RNFT2: variants seen among roughly 807,000 people sequenced by gnomAD.
The protein encoded by RNFT2 is E3 ubiquitin-protein ligase RNFT2.
RNFT2 carries 36 observed loss-of-function variants against 53.0 expected under a neutral mutation model. That is an observed-to-expected ratio of 0.68 (90% CI 0.52 to 0.90). The LOEUF (loss-of-function observed/expected upper bound fraction) is 0.90. Ranked by LOEUF, RNFT2 falls within the 40% of genes least tolerant of loss-of-function variation. RNFT2 has a pLI of 0.00. For missense variants in RNFT2, 514 were observed against 585.6 expected (o/e 0.88, Z 1.26); for synonymous variants, 260 against 253.2 (o/e 1.03, Z -0.26).
At chr12:116,814,740 G>A (rs1875560602) in intron 7 of RNFT2, among the ~76,000 whole-genome samples, 1 of 151,836 alleles carries the variant, frequency 6.6e-6, no homozygotes, top group African/African-American at 2.4e-5. Flanking sequence ...GTGCAGTGGT[G>A]CAATCTCGGC....
rs369134503 is a variant in RNFT2 at position 116,769,197 on chromosome 12, A to G, written c.728+2283A>G. Among the ~76,000 whole-genome samples, 98 of 152,228 alleles carry G rather than the reference A, an allele frequency of 6.4e-4. 1 individual carries two copies. In the East Asian group the frequency reaches 0.018, roughly 28 times the overall value. Reference sequence around the variant, plus strand: ...AGATAGTGAAACCCCTGTCTCTACTAAAAATACAAAAATTAGCTGGGCGTG... The same window carrying G: ...AGATAGTGAAACCCCTGTCTCTACTGAAAATACAAAAATTAGCTGGGCGTG... On this transcript the variant is annotated intron_variant, in intron 6 of 10. Transcript: ENST00000257575.
In RNFT2 at chr12:116,849,661, A is replaced by T; in HGVS notation, c.*213A>T. ...TATAGTGCGTGCCTCCTTCCCCTGC[A>T]AAAGGGGACGTCTTCCTAACTCAGA... On this transcript the variant is annotated 3_prime_UTR_variant, in exon 11 of 11. Coordinates refer to ENST00000257575, the MANE Select transcript of RNFT2 (RefSeq NM_001382266.1). The T allele has an allele frequency of 7.8e-7, 1 of 1,275,566 alleles. No homozygotes were observed. The highest frequency in any genetic ancestry group is 3.1e-5 in the South Asian group (1 of 32,146). 79.0% of individuals were successfully genotyped at this position (1,275,566 alleles called of 1,614,324 possible). A position where few individuals can be genotyped will look rare whatever the true frequency, so the allele number is the denominator to read the frequency against.
intron 6 of RNFT2, among the ~76,000 whole-genome samples, chr12:116,774,691 C>T (rs560762122): frequency 6.1e-4 from 92 of 149,834 alleles, no homozygotes; most frequent in Admixed American, 5.5e-3. Context: ...CCCATAAAAG[C>T]AATTTGAGGA....
At chr12:116,749,155 A>T (rs1872047509) in intron 3 of RNFT2, among the ~76,000 whole-genome samples, 1 of 152,170 alleles carries the variant, frequency 6.6e-6, no homozygotes, top group South Asian at 2.1e-4. Context: ...TGGAAGGCTG[A>T]GATCAGGGTA....
intron 7 of RNFT2, among the ~76,000 whole-genome samples, chr12:116,809,692 G>C (rs1452594784): frequency 6.6e-6 from 1 of 151,474 alleles, no homozygotes; most frequent in African/African-American, 2.4e-5. Context: ...TTTTTTTTGA[G>C]ATGAAGTCTT....
chr12:116,797,030 C>T (rs1189454941), intron 7 of RNFT2, among the ~76,000 whole-genome samples: 1 of 152,178 alleles, frequency 6.6e-6, no homozygotes, highest in Non-Finnish European at 1.5e-5. Context: ...GAATATTCTA[C>T]AGTGCACAGG....
chr12:116,817,174 G>A (rs1179855166), intron 7 of RNFT2, among the ~76,000 whole-genome samples: 4 of 152,088 alleles, frequency 2.6e-5, no homozygotes, highest in East Asian at 1.9e-4. Context: ...TACCATGGCC[G>A]ACTAATTTTT....
intron 5 of RNFT2, among the ~76,000 whole-genome samples, chr12:116,759,743 A>G (rs1872626486): frequency 6.6e-6 from 1 of 152,162 alleles, no homozygotes; most frequent in Admixed American, 6.5e-5. Flanking sequence ...CATGGATACC[A>G]GTGCCTGTTG....
intron 7 of RNFT2, among the ~76,000 whole-genome samples, chr12:116,814,730 G>A (rs930847165): frequency 2.4e-4 from 37 of 151,728 alleles, no homozygotes; most frequent in African/African-American, 8.0e-4. Flanking sequence ...CTGCTGGAGT[G>A]TGCAGTGGTG....
intron 8 of RNFT2, among the ~76,000 whole-genome samples, chr12:116,835,619 G>A (rs987937791): frequency 1.3e-5 from 2 of 152,208 alleles, no homozygotes; most frequent in Non-Finnish European, 2.9e-5. Context: ...GCTGACTGGA[G>A]TGCTAGATGG....
intron 7 of RNFT2, among the ~76,000 whole-genome samples, chr12:116,784,300 C>T (rs895125492): frequency 6.6e-6 from 1 of 152,222 alleles, no homozygotes; most frequent in Admixed American, 6.5e-5. Flanking sequence ...ATCCGCCGCA[C>T]GTGTCGTGTC....
At chr12:116,781,479 G>T (rs1873695441) in intron 7 of RNFT2, among the ~76,000 whole-genome samples, 1 of 152,124 alleles carries the variant, frequency 6.6e-6, no homozygotes, top group Admixed American at 6.5e-5. Flanking sequence ...CGTTCTGGAG[G>T]TTAGGAGTCC....
At chr12:116,783,722 T>C (rs1382626189) in intron 7 of RNFT2, among the ~76,000 whole-genome samples, 1 of 152,224 alleles carries the variant, frequency 6.6e-6, no homozygotes, top group African/African-American at 2.4e-5. Context: ...TGTTGGCTGC[T>C]GGAATCTTGT....
At chr12:116,753,621 TACAGATG>T (rs1299440748) in intron 4 of RNFT2, among the ~76,000 whole-genome samples, 1 of 152,166 alleles carries the variant, frequency 6.6e-6, no homozygotes, top group Non-Finnish European at 1.5e-5. Flanking sequence ...CTGTCCATTT[TACAGATG>T]AGGAAACTGG....
chr12:116,783,317 T>C (rs1197562516), intron 7 of RNFT2, among the ~76,000 whole-genome samples: 1 of 152,222 alleles, frequency 6.6e-6, no homozygotes, highest in Non-Finnish European at 1.5e-5. Flanking sequence ...GCCCCTACAC[T>C]GGCTTCGTGT....
intron 7 of RNFT2, among the ~76,000 whole-genome samples, chr12:116,780,472 G>A (rs6490092): frequency 0.75 from 113,289 of 151,922 alleles, 44,323 homozygotes; most frequent in Non-Finnish European, 0.85. Flanking sequence ...GAGCTCAGGC[G>A]GTAATGCTTG....
chr12:116,841,778 TAA>T (rs1877268191), intron 10 of RNFT2, among the ~76,000 whole-genome samples: 7 of 104,422 alleles, frequency 6.7e-5, no homozygotes, highest in South Asian at 2.9e-4. Flanking sequence ...TATATATATA[TAA>T]ATATATATAT....
chr12:116,852,026 G>A lies in RNFT2; in HGVS notation c.*2578G>A. 2 of 1,319,920 alleles carry A rather than the reference G, an allele frequency of 1.5e-6. No homozygotes were observed. The highest frequency in any genetic ancestry group is 2.7e-5 in the Admixed American group (1 of 36,954). 81.8% of individuals were successfully genotyped at this position (1,319,920 alleles called of 1,614,324 possible). On this transcript the variant is annotated 3_prime_UTR_variant, in exon 11 of 11. Transcript: ENST00000257575. ...GGCATGGAGCACCGTAACCATCTGTGCTTCTGTGATCTCTATGACAGAGCC... is the reference window on the plus strand; with the variant it reads ...GGCATGGAGCACCGTAACCATCTGTACTTCTGTGATCTCTATGACAGAGCC...
chr12:116,827,833 C>T (rs1157945384), intron 7 of RNFT2, among the ~76,000 whole-genome samples: 1 of 152,218 alleles, frequency 6.6e-6, no homozygotes, highest in Non-Finnish European at 1.5e-5. Flanking sequence ...AGCTCAGGGG[C>T]CTGAGAATTG....
Sources: gnomAD v4.1 joint callset for allele counts (sites outside exome capture counted in the v4.1 genomes callset) on GRCh38, gnomAD v4.1.1 for gene constraint, MANE v1.5 for transcripts, NCBI Gene and HGNC (gene_info 2026-07-23, HGNC 2026-07-21) for gene names.